Variants in FANCD2 observed in about 807,000 individuals in gnomAD.
FANCD2 encodes Fanconi anemia group D2 protein.
In FANCD2, 131 loss-of-function variants were observed where a neutral mutation model predicts 192.3. That is an observed-to-expected ratio of 0.68 (90% CI 0.59 to 0.79). The LOEUF is 0.79. Ranked by LOEUF, FANCD2 falls within the 30% of genes least tolerant of loss-of-function variation. FANCD2 has a pLI of 0.00. For synonymous variants in FANCD2, 524 were observed against 612.5 expected (o/e 0.86, Z 2.13); for missense variants, 1,508 against 1,701.6 (o/e 0.89, Z 2.00).
chr3:10,047,361 A>G (rs551919628), intron 15 of FANCD2, among the ~76,000 whole-genome samples: 139 of 152,384 alleles, frequency 9.1e-4, no homozygotes, highest in African/African-American at 3.3e-3. Context: ...AAAGCATTAT[A>G]CCCAGCTTAG....
At chr3:10,071,975 G>A (rs1269698349) in intron 26 of FANCD2, among the ~76,000 whole-genome samples, 1 of 152,116 alleles carries the variant, frequency 6.6e-6, no homozygotes, top group Non-Finnish European at 1.5e-5. Flanking sequence ...GGCCGGGCTT[G>A]TCTCGAACTC....
chr3:10,100,677 C>T (rs1198119695), intron 43 of FANCD2, among the ~76,000 whole-genome samples: 1 of 152,168 alleles, frequency 6.6e-6, no homozygotes, highest in African/African-American at 2.4e-5. Context: ...CACTGCCATA[C>T]CACCACTTGT....
intron 42 of FANCD2, among the ~76,000 whole-genome samples, chr3:10,097,158 C>T (rs1274830700): frequency 6.6e-6 from 1 of 152,122 alleles, no homozygotes; most frequent in African/African-American, 2.4e-5. Context: ...TATCACAAGG[C>T]AAGTGGAGGC....
chr3:10,085,591 C>T (rs1694142198), intron 32 of FANCD2, among the ~76,000 whole-genome samples: 3 of 151,916 alleles, frequency 2.0e-5, no homozygotes, highest in Non-Finnish European at 4.4e-5. Flanking sequence ...GGGATTTCAC[C>T]GTGTTGGCCA....
Position 10,073,342 on chromosome 3 carries a change from C to A in FANCD2, c.2695C>A (p.His899Asn), listed in dbSNP as rs770051715. The A allele has an allele frequency of 1.2e-6, 2 of 1,612,234 alleles. No homozygotes were observed. The highest frequency in any genetic ancestry group is 8.5e-7 in the Non-Finnish European group (1 of 1,178,304). The change falls in exon 28 of 44, where the codon CAT (histidine) becomes AAT (asparagine). Residue 899 changes from histidine (H) to asparagine (N), a missense_variant. Physicochemically the swap from His to Asn is moderately conservative, Grantham distance 68. This residue lies in a region of FANCD2 where 796 missense variants were observed against 879.4 expected (regional missense o/e 0.91). Transcript: ENST00000675286. ...KNSECDPTPSHRGQLNKEFTG... is the reference protein window; with the variant it reads ...KNSECDPTPSNRGQLNKEFTG... ...TTCAGAATGTGACCCTACGCCATCTCATAGAGGCCAGCTAAACAAGGTATT... is the reference window on the plus strand; with the variant it reads ...TTCAGAATGTGACCCTACGCCATCTAATAGAGGCCAGCTAAACAAGGTATT...
At chr3:10,038,579 C>CTTTT (rs573306335) in intron 7 of FANCD2, among the ~76,000 whole-genome samples, 6 of 128,952 alleles carry the variant, frequency 4.7e-5, no homozygotes, top group East Asian at 2.1e-4. Context: ...TATATGCTTG[C>CTTTT]TTTTTTTTTT....
intron 25 of FANCD2, among the ~76,000 whole-genome samples, chr3:10,066,674 C>T (rs1049996148): frequency 6.6e-6 from 1 of 152,158 alleles, no homozygotes; most frequent in Non-Finnish European, 1.5e-5. Flanking sequence ...GCTATTCCAC[C>T]TTGTAACATA....
intron 29 of FANCD2, among the ~76,000 whole-genome samples, chr3:10,077,188 A>C (rs890719588): frequency 6.6e-6 from 1 of 151,938 alleles, no homozygotes; most frequent in Non-Finnish European, 1.5e-5. Context: ...AGCTGTGAAC[A>C]CAATATTGCA....
At position 10,031,480 on chromosome 3, in the gene FANCD2, C is replaced by T. The variant is rs549839521; in HGVS notation, c.65-1352C>T. ...TCGCGCCACTGCACTCCAGCCTGGG[C>T]GACAGAGCAAGACTCCATTTCAAAA... On this transcript the variant is annotated intron_variant, in intron 2 of 43. Transcript: ENST00000675286. Among the ~76,000 whole-genome samples, 25 of 133,372 alleles carry T rather than the reference C, an allele frequency of 1.9e-4. No homozygotes were observed. The South Asian group carries it at 4.6e-3, about 24-fold the overall frequency. 87.5% of individuals were successfully genotyped at this position (133,372 alleles called of 152,430 possible). A position where few individuals can be genotyped will look rare whatever the true frequency, so the allele number is the denominator to read the frequency against.
At chr3:10,043,933 TC>T in intron 14 of FANCD2, 69 bp downstream of exon 14, 1 of 1,290,822 alleles carries the variant, frequency 7.7e-7, no homozygotes, top group Non-Finnish European at 1.1e-6. Flanking sequence ...TAGCTTGCCT[TC>T]CCACTGTCTT....
intron 29 of FANCD2, among the ~76,000 whole-genome samples, chr3:10,076,740 G>A (rs925113705): frequency 1.3e-5 from 2 of 151,980 alleles, no homozygotes; most frequent in African/African-American, 4.8e-5. Flanking sequence ...TTGTTTGTTT[G>A]TTGGAGACGG....
chr3:10,069,201 C>T (rs183413361), intron 26 of FANCD2, among the ~76,000 whole-genome samples: 4 of 152,134 alleles, frequency 2.6e-5, no homozygotes, highest in Admixed American at 2.6e-4. Context: ...GCAAAGGAAA[C>T]ACCAAAGTGA....
At position 10,036,288 on chromosome 3, in the gene FANCD2, C is replaced by G; in HGVS notation, c.440C>G (p.Pro147Arg). The change falls in exon 7 of 44, where the codon CCT becomes CGT. Residue 147 changes from proline (P) to arginine (R), a missense_variant and splice_region_variant. Coordinates refer to ENST00000675286, the MANE Select transcript of FANCD2 (RefSeq NM_001018115.3). ...AACTCCCTATGTCTTCTTTTTTAGC[C>G]TGCCATTATCAAAACCTTATTTGAG... ...KLLLGIDILQ[P>R]AIIKTLFEKL... 6.2e-7 allele frequency: 1 copy of G among 1,611,164 alleles called. No homozygotes were observed. Among genetic ancestry groups the G allele is most frequent in the Non-Finnish European group, 8.5e-7 (1 of 1,177,738 alleles).
intron 1 of FANCD2, among the ~76,000 whole-genome samples, chr3:10,028,410 G>A (rs1380586513): frequency 6.6e-6 from 1 of 152,208 alleles, no homozygotes; most frequent in African/African-American, 2.4e-5. Context: ...CAACAGCGAA[G>A]TAGTCTGCCT....
At chr3:10,074,118 G>C (rs1218039509) in intron 28 of FANCD2, among the ~76,000 whole-genome samples, 1 of 152,076 alleles carries the variant, frequency 6.6e-6, no homozygotes, top group Non-Finnish European at 1.5e-5. Context: ...GCTAATTTTT[G>C]TATTTTTAGT....
intron 30 of FANCD2, among the ~76,000 whole-genome samples, chr3:10,080,509 G>A (rs188102231): frequency 1.1e-4 from 16 of 152,326 alleles, no homozygotes; most frequent in Admixed American, 7.2e-4. Flanking sequence ...AGTGGCTCAC[G>A]CCTTTAACCC....
At chr3:10,084,349 T>TCAC (rs1694048072) in intron 32 of FANCD2, among the ~76,000 whole-genome samples, 2 of 149,998 alleles carry the variant, frequency 1.3e-5, no homozygotes, top group Non-Finnish European at 3.0e-5. Flanking sequence ...TGGAGTGTAG[T>TCAC]AACACAATCA....
At chr3:10,057,695 T>C (rs946015303) in intron 18 of FANCD2, among the ~76,000 whole-genome samples, 1 of 152,208 alleles carries the variant, frequency 6.6e-6, no homozygotes, top group Non-Finnish European at 1.5e-5. Context: ...CTCACCATCT[T>C]TGTGAAAAGT....
At chr3:10,032,097 G>A (rs965388001) in intron 2 of FANCD2, among the ~76,000 whole-genome samples, 1 of 151,992 alleles carries the variant, frequency 6.6e-6, no homozygotes, top group African/African-American at 2.4e-5. Flanking sequence ...AGCCTGCCTC[G>A]GCCTCCCAAA....
Sources: gnomAD v4.1 joint callset for allele counts (sites outside exome capture counted in the v4.1 genomes callset) on GRCh38, gnomAD v4.1.1 for gene constraint, gnomAD v4.1.1 regional missense constraint, MANE v1.5 for transcripts, NCBI Gene and HGNC (gene_info 2026-07-23, HGNC 2026-07-21) for gene names.